Variants in HIP1 observed in about 807,000 individuals in gnomAD.
The protein encoded by HIP1 is huntingtin-interacting protein 1.
HIP1 carries 65 observed loss-of-function variants against 147.6 expected under a neutral mutation model. The ratio of observed to expected loss-of-function variants is 0.44; its 90% confidence interval spans 0.36 to 0.54. The LOEUF (loss-of-function observed/expected upper bound fraction) is 0.54, where lower values mean the gene tolerates loss of function less well. Among genes scored for constraint, HIP1 ranks in the 20% least tolerant of loss-of-function variants. The pLI, the probability that HIP1 is intolerant of heterozygous loss-of-function variation, is 0.00. For missense variants in HIP1, 1,061 were observed against 1,299.6 expected (o/e 0.82, Z 2.82); for synonymous variants, 479 against 504.0 (o/e 0.95, Z 0.67).
At chr7:75,664,037 TACAC>T (rs1298480845) in intron 1 of HIP1, among the ~76,000 whole-genome samples, 1 of 78,736 alleles carries the variant, frequency 1.3e-5, no homozygotes, top group Non-Finnish European at 2.5e-5. Flanking sequence ...TGTATATATA[TACAC>T]ATATATGTGT....
chr7:75,554,367 C>A, intron 20 of HIP1, 73 bp downstream of exon 20: 1 of 1,362,424 alleles, frequency 7.3e-7, no homozygotes, highest in East Asian at 2.3e-5. Context: ...CTGTCACTAT[C>A]CCCGCATTCA....
chr7:75,714,085 G>T (rs1479407344), intron 1 of HIP1, among the ~76,000 whole-genome samples: 2 of 150,548 alleles, frequency 1.3e-5, no homozygotes, highest in African/African-American at 4.9e-5. Flanking sequence ...TTTCATCTAG[G>T]CTGGAGTGCA....
Position 75,643,888 on chromosome 7 carries a change from T to C in HIP1, c.121-44641A>G, listed in dbSNP as rs150054377. 1.4e-4 allele frequency among the ~76,000 whole-genome samples: 22 copies of C among 152,248 alleles called. No homozygotes were observed. The East Asian group carries it at 3.9e-3, about 27-fold the overall frequency. On this transcript the variant is annotated intron_variant, in intron 1 of 30. Transcript: ENST00000336926. ...GGTGGCAGGCACCTGTAATCTCAGCTACTCGAGAGGTTGAGACAGGAGAAT... is the reference window on the plus strand; with the variant it reads ...GGTGGCAGGCACCTGTAATCTCAGCCACTCGAGAGGTTGAGACAGGAGAAT...
chr7:75,575,644 G>T (rs898237435), intron 7 of HIP1, among the ~76,000 whole-genome samples: 2 of 152,016 alleles, frequency 1.3e-5, no homozygotes, highest in African/African-American at 4.8e-5. Context: ...TCACGCTGGG[G>T]CTCCCTCCAC....
intron 1 of HIP1, among the ~76,000 whole-genome samples, chr7:75,613,824 C>A (rs144350213): frequency 1.3e-5 from 2 of 152,172 alleles, no homozygotes; most frequent in Non-Finnish European, 2.9e-5. Context: ...CTCCTGGATT[C>A]GAGCAATCTC....
chr7:75,632,810 G>C (rs1443220876), intron 1 of HIP1, among the ~76,000 whole-genome samples: 1 of 152,138 alleles, frequency 6.6e-6, no homozygotes. Flanking sequence ...CATACACCAT[G>C]GAATACTCTG....
At chr7:75,550,500 C>T (rs1554491910) in intron 22 of HIP1, among the ~76,000 whole-genome samples, 3 of 152,112 alleles carry the variant, frequency 2.0e-5, no homozygotes. Flanking sequence ...CAGCCTCCCA[C>T]TCCTGGGCTC....
intron 7 of HIP1, among the ~76,000 whole-genome samples, chr7:75,581,035 C>T (rs1796021644): frequency 6.6e-6 from 1 of 152,174 alleles, no homozygotes; most frequent in Non-Finnish European, 1.5e-5. Context: ...AGCCACTGCA[C>T]CCGGCCGAGA....
chr7:75,717,676 C>CAAAAAAAAAAAAAAAAAAAA (rs55982331), intron 1 of HIP1, among the ~76,000 whole-genome samples: 3 of 117,714 alleles, frequency 2.5e-5, no homozygotes, highest in Admixed American at 9.1e-5. Context: ...ACTAAAAATA[C>CAAAAAAAAAAAAAAAAAAAA]AAAAAAAAAA....
intron 1 of HIP1, among the ~76,000 whole-genome samples, chr7:75,658,084 C>T (rs191248454): frequency 8.2e-4 from 125 of 152,264 alleles, no homozygotes; most frequent in African/African-American, 2.8e-3. Context: ...TACTTGCTGG[C>T]TTACCAATCT....
intron 8 of HIP1, among the ~76,000 whole-genome samples, chr7:75,572,131 C>A (rs587745768): frequency 2.0e-4 from 30 of 149,434 alleles, no homozygotes; most frequent in African/African-American, 6.4e-4. Context: ...GGCTAAGGCA[C>A]AAGAATTGCT....
intron 1 of HIP1, among the ~76,000 whole-genome samples, chr7:75,621,917 A>G (rs1332668915): frequency 1.3e-5 from 2 of 152,132 alleles, no homozygotes; most frequent in Non-Finnish European, 2.9e-5. Context: ...TAGGTTAGAC[A>G]TGACACACCC....
At chr7:75,592,179 G>A (rs1300206450) in intron 3 of HIP1, 67 bp from the exon 4 acceptor site, 2 of 1,498,448 alleles carry the variant, frequency 1.3e-6, no homozygotes, top group Non-Finnish European at 1.9e-6. Flanking sequence ...GAAGGAGGAT[G>A]GAGAGAGGCG....
chr7:75,707,637 G>T (rs76619350), intron 1 of HIP1, among the ~76,000 whole-genome samples: 1 of 150,876 alleles, frequency 6.6e-6, no homozygotes, highest in Non-Finnish European at 1.5e-5. Context: ...AGCCCGCATC[G>T]CCAAGTCAAT....
intron 1 of HIP1, among the ~76,000 whole-genome samples, chr7:75,607,315 T>G (rs1187646996): frequency 1.3e-5 from 2 of 148,356 alleles, no homozygotes; most frequent in Non-Finnish European, 3.0e-5. Flanking sequence ...CTGCAACCTC[T>G]GCCTTCTGGG....
At chr7:75,697,463 AT>A (rs1197514319) in intron 1 of HIP1, among the ~76,000 whole-genome samples, 6 of 152,288 alleles carry the variant, frequency 3.9e-5, no homozygotes, top group Middle Eastern at 3.4e-3. Context: ...GTAAAAAAAA[AT>A]ATTCAGTAGA....
At chr7:75,623,154 T>C (rs1371250845) in intron 1 of HIP1, among the ~76,000 whole-genome samples, 2 of 135,054 alleles carry the variant, frequency 1.5e-5, no homozygotes, top group Non-Finnish European at 3.1e-5. Context: ...GCTGAGATTG[T>C]GCCTCTGCAC....
chr7:75,673,214 A>C (rs1457258339), intron 1 of HIP1, among the ~76,000 whole-genome samples: 1 of 151,694 alleles, frequency 6.6e-6, no homozygotes, highest in Admixed American at 6.6e-5. Flanking sequence ...GTAGAGACAG[A>C]GTTTCACTAT....
chr7:75,697,872 A>G (rs1269635720), intron 1 of HIP1, among the ~76,000 whole-genome samples: 1 of 152,248 alleles, frequency 6.6e-6, no homozygotes, highest in Non-Finnish European at 1.5e-5. Flanking sequence ...TATAAAGGAG[A>G]TAAGTCTAAG....
Sources: allele counts gnomAD v4.1 joint callset (sites outside exome capture counted in the v4.1 genomes callset), GRCh38; gene constraint gnomAD v4.1.1; transcripts MANE v1.5; gene names NCBI Gene and HGNC (gene_info 2026-07-23, HGNC 2026-07-21).